The following CNNM2 variants were observed in gnomAD, a reference collection of about 807,000 sequenced individuals.
CNNM2 encodes cyclin and CBS domain divalent metal cation transport mediator 2, also known as metal transporter CNNM2.
Under a neutral mutation model 66.9 loss-of-function variants are expected in CNNM2, and 12 were observed. The observed-to-expected ratio is 0.18, with a 90% CI of 0.11 to 0.29. The LOEUF (loss-of-function observed/expected upper bound fraction) is 0.29. CNNM2 is among the 10% of genes least tolerant of loss of function. CNNM2 has a pLI of 1.00. For synonymous variants in CNNM2, 557 were observed against 501.8 expected (o/e 1.11, Z -1.47); for missense variants, 705 against 1,167.7 (o/e 0.60, Z 5.77).
intron 4 of CNNM2, among the ~76,000 whole-genome samples, chr10:103,059,665 ATAACT>A (rs2065351581): frequency 6.6e-6 from 1 of 152,246 alleles, no homozygotes; most frequent in Non-Finnish European, 1.5e-5. Flanking sequence ...CATGCTTTAA[ATAACT>A]TAACAAAATA....
At position 102,927,211 on chromosome 10, in the gene CNNM2, G is replaced by A. The variant is rs1275892016; in HGVS notation, c.1621+7110G>A. Reference sequence around the variant, plus strand: ...TGTGTGTATGTATATGTTATTGACAGTAAACTTTCAATTCATTAAGATTTG... The same window carrying A: ...TGTGTGTATGTATATGTTATTGACAATAAACTTTCAATTCATTAAGATTTG... On this transcript the variant is annotated intron_variant, in intron 1 of 7. Coordinates refer to ENST00000369878, the MANE Select transcript of CNNM2 (RefSeq NM_017649.5). The A allele has an allele frequency of 6.8e-6, 8 of 1,184,224 alleles. No individual in the cohort carries two copies. The East Asian group carries it at 2.0e-4, about 30-fold the overall frequency. 73.4% of individuals were successfully genotyped at this position (1,184,224 alleles called of 1,614,324 possible).
chr10:103,006,548 G>C (rs984539096), intron 1 of CNNM2, among the ~76,000 whole-genome samples: 2 of 151,926 alleles, frequency 1.3e-5, no homozygotes, highest in Non-Finnish European at 2.9e-5. Flanking sequence ...GATTGAAAAA[G>C]GCCTTATATT....
chr10:103,001,361 AT>A (rs1390641314), intron 1 of CNNM2, among the ~76,000 whole-genome samples: 4 of 152,188 alleles, frequency 2.6e-5, no homozygotes. Context: ...AATACAAAAA[AT>A]TGGGGGAAAA....
chr10:102,980,253 C>A (rs1380299829), intron 1 of CNNM2, among the ~76,000 whole-genome samples: 1 of 151,872 alleles, frequency 6.6e-6, no homozygotes, highest in Non-Finnish European at 1.5e-5. Flanking sequence ...TCATCTCTTT[C>A]TCATACCATT....
At chr10:103,029,193 G>C (rs1335920370) in intron 1 of CNNM2, among the ~76,000 whole-genome samples, 1 of 151,776 alleles carries the variant, frequency 6.6e-6, no homozygotes, top group Non-Finnish European at 1.5e-5. Flanking sequence ...GCCAGGCATG[G>C]TGGCTCACAC....
rs75552379 is a variant in CNNM2, at chr10:103,021,031, A to G, written c.1622-28676A>G. Among the ~76,000 whole-genome samples the G allele has an allele frequency of 9.4e-3, 1,431 of 152,292 alleles. 9 individuals carry two copies. Among genetic ancestry groups the G allele is most frequent in the Non-Finnish European group, 0.013 (906 of 68,006 alleles). On this transcript the variant is annotated intron_variant, in intron 1 of 7. Coordinates refer to ENST00000369878, the MANE Select transcript of CNNM2 (RefSeq NM_017649.5). ...TGAGAAGAGACCTTTGCTTCTCCCT[A>G]TGGTGGAGTAACAGGGCCCAGATTT...
intron 1 of CNNM2, among the ~76,000 whole-genome samples, chr10:102,937,607 A>G (rs1048491821): frequency 6.6e-6 from 1 of 152,208 alleles, no homozygotes; most frequent in Non-Finnish European, 1.5e-5. Context: ...AATAGTTTCC[A>G]GACTATTAAG....
At chr10:103,066,027 C>A (rs2065471158) in intron 4 of CNNM2, among the ~76,000 whole-genome samples, 1 of 152,176 alleles carries the variant, frequency 6.6e-6, no homozygotes, top group Non-Finnish European at 1.5e-5. Context: ...CCACTGATTC[C>A]TCTGTAGGGT....
At chr10:102,953,366 C>T (rs535461425) in intron 1 of CNNM2, among the ~76,000 whole-genome samples, 11 of 151,980 alleles carry the variant, frequency 7.2e-5, no homozygotes, top group Admixed American at 1.3e-4. Context: ...AAGCAGTTCT[C>T]CTGCCTCAGC....
Position 103,054,614 on chromosome 10 carries a change from G to C in CNNM2, c.1903+148G>C, listed in dbSNP as rs1590470693. On this transcript the variant is annotated intron_variant, in intron 3 of 7. Coordinates refer to ENST00000369878, the MANE Select transcript of CNNM2 (RefSeq NM_017649.5). This position sits in a 1 kb window ranked among gnomAD's most constrained non-coding sequence, Gnocchi z 5.2. The stretch of plus-strand genomic sequence containing the variant: ...TGTGTTTTGTTTTTTTTGTTTTTTT[G>C]TTTTGTTTTGTTTTTTTCTTTTTAA... The C allele has an allele frequency of 1.4e-5, 10 of 739,660 alleles. No individual in the cohort carries two copies. The highest frequency in any genetic ancestry group is 4.0e-4 in the Middle Eastern group (1 of 2,516). The allele number at this position is 739,660 out of a possible 1,614,324, so 45.8% of individuals were successfully genotyped here. A position where few individuals can be genotyped will look rare whatever the true frequency, so the allele number is the denominator to read the frequency against.
intron 1 of CNNM2, among the ~76,000 whole-genome samples, chr10:102,994,214 G>A (rs188937017): frequency 9.8e-5 from 15 of 152,330 alleles, no homozygotes. Flanking sequence ...TGGGATTACA[G>A]GCGTGAGCTA....
In CNNM2 at chr10:103,088,953, T is replaced by C. The variant is rs1037324627; in HGVS notation, c.*11773T>C. ...CCTTTGTCCACTTGCAGCTAAATTC[T>C]TTCTATAGATTTATCACAGATAAGA... On this transcript the variant is annotated 3_prime_UTR_variant, in exon 8 of 8. Coordinates refer to ENST00000369878, the MANE Select transcript of CNNM2 (RefSeq NM_017649.5). 2.2e-4 allele frequency: 47 copies of C among 210,280 alleles called. 1 individual carries two copies. Among genetic ancestry groups the C allele is most frequent in the South Asian group, 1.9e-4 (1 of 5,340 alleles). The allele number at this position is 210,280 out of a possible 1,614,324, so 13.0% of individuals were successfully genotyped here.
intron 1 of CNNM2, among the ~76,000 whole-genome samples, chr10:102,944,581 C>T (rs996318839): frequency 1.0e-4 from 15 of 143,486 alleles, no homozygotes; most frequent in South Asian, 2.3e-4. Context: ...TGTATCTTTT[C>T]GTGTGTGTGT....
chr10:102,994,801 T>C (rs1332276313), intron 1 of CNNM2, among the ~76,000 whole-genome samples: 1 of 152,278 alleles, frequency 6.6e-6, no homozygotes, highest in Non-Finnish European at 1.5e-5. Context: ...CCTTGGCCTA[T>C]GCCTGTTTGC....
intron 1 of CNNM2, among the ~76,000 whole-genome samples, chr10:102,944,820 T>C (rs902394271): frequency 6.6e-6 from 1 of 152,182 alleles, no homozygotes; most frequent in Non-Finnish European, 1.5e-5. Context: ...GCATGTCTCT[T>C]TGATGTCCTT....
intron 3 of CNNM2, 74 bp from the exon 4 acceptor site, chr10:103,056,721 C>G: frequency 7.3e-7 from 1 of 1,368,430 alleles, no homozygotes; most frequent in Non-Finnish European, 1.0e-6. Flanking sequence ...ATCTAAACAC[C>G]TCAATTACTA....
intron 4 of CNNM2, among the ~76,000 whole-genome samples, chr10:103,060,585 A>G (rs566496862): frequency 9.3e-4 from 142 of 152,200 alleles, no homozygotes; most frequent in Non-Finnish European, 5.6e-4. Context: ...AAAAGGTCAT[A>G]TATTAAAAAA....
At chr10:102,932,429 A>G (rs1846095154) in intron 1 of CNNM2, among the ~76,000 whole-genome samples, 1 of 152,084 alleles carries the variant, frequency 6.6e-6, no homozygotes, top group African/African-American at 2.4e-5. Flanking sequence ...ACAAAGATTT[A>G]TGCCTATGTT....
At position 102,918,852 on chromosome 10, in the gene CNNM2, G is replaced by C. The variant is rs752713914; in HGVS notation, c.372G>C (p.Glu124Asp). 9 of 1,585,076 alleles carry C rather than the reference G, an allele frequency of 5.7e-6. No individual in the cohort carries two copies. Among genetic ancestry groups the C allele is most frequent in the Non-Finnish European group, 7.7e-6 (9 of 1,165,622 alleles). ...TWSRIAFTEH[E>D]RRRHSPGERG... ...CCCGCATCGCCTTCACCGAGCACGA[G>C]CGGCGGCGCCACAGCCCGGGGGAGC... The change falls in exon 1 of 8, where the codon GAG (glutamate) becomes GAC (aspartate). Residue 124 changes from glutamate (E) to aspartate (D), a missense_variant. Transcript: ENST00000369878. This position sits in a 1 kb window ranked among gnomAD's most constrained non-coding sequence, Gnocchi z 4.1.
Sources: allele counts gnomAD v4.1 joint callset (sites outside exome capture counted in the v4.1 genomes callset), GRCh38; gene constraint gnomAD v4.1.1; non-coding constraint Gnocchi (gnomAD v3.1); transcripts MANE v1.5; gene names NCBI Gene and HGNC (gene_info 2026-07-23, HGNC 2026-07-21).